Variants in DNAJC10 observed in about 807,000 individuals in gnomAD.
DNAJC10 encodes the protein DnaJ heat shock protein family (Hsp40) member C10.
In DNAJC10, 101 loss-of-function variants were observed where a neutral mutation model predicts 115.0. The ratio of observed to expected loss-of-function variants is 0.88; its 90% CI spans 0.75 to 1.04. DNAJC10 has a LOEUF of 1.04. DNAJC10 is among the 50% of genes least tolerant of loss of function. DNAJC10 has a pLI of 0.00. For synonymous variants in DNAJC10, 307 were observed against 301.5 expected, an observed-to-expected ratio of 1.02 and a Z score of -0.19; for missense variants, 981 against 928.8, an observed-to-expected ratio of 1.06 and a Z score of -0.73.
rs529271727 is a variant in DNAJC10 at position 182,736,526 on chromosome 2, C to T, written c.987+140C>T. On this transcript the variant is annotated intron_variant, in intron 11 of 23. Coordinates refer to ENST00000264065, the MANE Select transcript of DNAJC10 (RefSeq NM_018981.4). ...GTGGAACCCTTATTTAGAACACATA[C>T]TTAATTTCTGAGATTCTTTTTAATA... 4.3e-5 allele frequency: 21 copies of T among 487,490 alleles called. No individual in the cohort carries two copies. The East Asian group carries it at 6.6e-4, about 15-fold the overall frequency. The allele number at this position is 487,490 out of a possible 1,614,324, so 30.2% of individuals were successfully genotyped here. A position where few individuals can be genotyped will look rare whatever the true frequency, so the allele number is the denominator to read the frequency against.
At chr2:182,756,244 C>T (rs1694151762) in intron 17 of DNAJC10, 70 bp from the exon 18 acceptor site, 2 of 1,306,632 alleles carry the variant, frequency 1.5e-6, no homozygotes, top group Non-Finnish European at 2.0e-6. Flanking sequence ...CCTGTACCAA[C>T]AATTTGCCAG....
rs1178814862 is a variant in DNAJC10, at chr2:182,752,160, G to T, written c.1523G>T (p.Cys508Phe). The change falls in exon 16 of 24, where the codon TGT becomes TTT. Residue 508 changes from cysteine (C) to phenylalanine (F), a missense_variant. Cys to Phe is a radical substitution (Grantham distance 205). Transcript: ENST00000264065. Reference protein sequence around the residue: ...YGQLKFGTLDCTVHEGLCNMY... With the variant: ...YGQLKFGTLDFTVHEGLCNMY... The stretch of plus-strand genomic sequence containing the variant: ...CAGCTTAAGTTTGGTACACTAGATT[G>T]TACAGTTCATGAGGGACTCTGTAAC... 4 of 1,609,606 alleles carry T rather than the reference G, an allele frequency of 2.5e-6. No homozygotes were observed. The highest frequency in any genetic ancestry group is 3.4e-6 in the Non-Finnish European group (4 of 1,176,820).
At position 182,785,272 on chromosome 2, in the gene DNAJC10, A is replaced by G. The variant is rs945526574; in HGVS notation, c.*8140A>G. On this transcript the variant is annotated 3_prime_UTR_variant, in exon 24 of 24. Coordinates refer to ENST00000264065, the MANE Select transcript of DNAJC10 (RefSeq NM_018981.4). ...ATGGATCACTTCTAATAAATAAAAC[A>G]TAAAATTGGACTAATAGCTTAATTT... is the stretch of plus-strand genomic sequence containing the variant. 5.9e-5 allele frequency: 9 copies of G among 152,146 alleles called. No individual in the cohort carries two copies. Among genetic ancestry groups the G allele is most frequent in the African/African-American group, 1.7e-4 (7 of 41,438 alleles). The allele number at this position is 152,146 out of a possible 1,614,324, so 9.4% of individuals were successfully genotyped here.
At chr2:182,773,694 C>T (rs954325116) in intron 22 of DNAJC10, among the ~76,000 whole-genome samples, 1 of 152,164 alleles carries the variant, frequency 6.6e-6, no homozygotes, top group East Asian at 1.9e-4. Flanking sequence ...CCTTTAAGGT[C>T]TTCTCTACAC....
At position 182,793,580 on chromosome 2, in the gene DNAJC10, A is replaced by G. The variant is rs1191964442; in HGVS notation, c.*16448A>G. The G allele has an allele frequency of 6.6e-6, 1 of 152,122 alleles. No individual in the cohort carries two copies. Among genetic ancestry groups the G allele is most frequent in the African/African-American group, 2.4e-5 (1 of 41,424 alleles). 9.4% of individuals were successfully genotyped at this position (152,122 alleles called of 1,614,324 possible). On this transcript the variant is annotated 3_prime_UTR_variant, in exon 24 of 24. Coordinates refer to ENST00000264065, the MANE Select transcript of DNAJC10 (RefSeq NM_018981.4). The stretch of plus-strand genomic sequence containing the variant: ...ATAGCTTGATTGGTTACAGATAGGC[A>G]TTTGCCTTATTTGGACATGGTCTGC...
At chr2:182,751,280 G>A (rs530096911) in intron 14 of DNAJC10, among the ~76,000 whole-genome samples, 32 of 151,682 alleles carry the variant, frequency 2.1e-4, no homozygotes, top group African/African-American at 6.8e-4. Flanking sequence ...GACTACACAC[G>A]TGGCCACCAT....
intron 14 of DNAJC10, among the ~76,000 whole-genome samples, chr2:182,746,273 A>G (rs539317631): frequency 1.3e-5 from 2 of 152,280 alleles, no homozygotes. Flanking sequence ...GGCTGGGTCA[A>G]ATGGTATTTC....
chr2:182,717,640 C>T (rs927689561), intron 2 of DNAJC10, among the ~76,000 whole-genome samples: 3 of 152,200 alleles, frequency 2.0e-5, no homozygotes, highest in Non-Finnish European at 2.9e-5. Flanking sequence ...GAGGAAGCAC[C>T]TGTAGCTCAT....
intron 19 of DNAJC10, among the ~76,000 whole-genome samples, chr2:182,758,336 G>A (rs1162805072): frequency 1.3e-5 from 2 of 152,126 alleles, no homozygotes; most frequent in South Asian, 2.1e-4. Context: ...ACAACACCAC[G>A]TGGTATTTCA....
intron 14 of DNAJC10, among the ~76,000 whole-genome samples, chr2:182,743,990 T>G (rs1693801315): frequency 6.6e-6 from 1 of 152,220 alleles, no homozygotes; most frequent in Non-Finnish European, 1.5e-5. Context: ...TTTGCAAAAG[T>G]AAGCAACACC....
intron 13 of DNAJC10, among the ~76,000 whole-genome samples, chr2:182,742,405 G>C (rs563445094): frequency 6.6e-6 from 1 of 152,274 alleles, no homozygotes; most frequent in South Asian, 2.1e-4. Context: ...GGCCAAGCTG[G>C]CCTCGAACTC....
At chr2:182,749,042 C>G (rs902968140) in intron 14 of DNAJC10, among the ~76,000 whole-genome samples, 24 of 152,010 alleles carry the variant, frequency 1.6e-4, no homozygotes, top group Non-Finnish European at 2.9e-4. Context: ...AATTTCTATT[C>G]TTTTACATTT....
At chr2:182,763,596 A>G (rs1178009804) in intron 22 of DNAJC10, among the ~76,000 whole-genome samples, 1 of 152,066 alleles carries the variant, frequency 6.6e-6, no homozygotes, top group African/African-American at 2.4e-5. Context: ...GTTCCTTATC[A>G]CACCACACAC....
At chr2:182,746,006 C>T (rs1180318591) in intron 14 of DNAJC10, among the ~76,000 whole-genome samples, 1 of 151,862 alleles carries the variant, frequency 6.6e-6, no homozygotes, top group East Asian at 1.9e-4. Flanking sequence ...TTTGTCTTTG[C>T]GATAGTTTAC....
In DNAJC10 at chr2:182,787,651, G is replaced by C. The variant is rs1355107719; in HGVS notation, c.*10519G>C. 1 of 152,300 alleles carries C rather than the reference G, an allele frequency of 6.6e-6. No homozygotes were observed. The highest frequency in any genetic ancestry group is 1.5e-5 in the Non-Finnish European group (1 of 68,140). 9.4% of individuals were successfully genotyped at this position (152,300 alleles called of 1,614,324 possible). ...GGCAAAGAATGAGGCCAGGTGCGGTGGCTCACACCTGTAACTCCAGCACTT... is the reference window on the plus strand; with the variant it reads ...GGCAAAGAATGAGGCCAGGTGCGGTCGCTCACACCTGTAACTCCAGCACTT... On this transcript the variant is annotated 3_prime_UTR_variant, in exon 24 of 24. Coordinates refer to ENST00000264065, the MANE Select transcript of DNAJC10 (RefSeq NM_018981.4).
chr2:182,780,104 A>G lies in DNAJC10; in HGVS notation c.*2972A>G, dbSNP rs1008711629. On this transcript the variant is annotated 3_prime_UTR_variant, in exon 24 of 24. Transcript: ENST00000264065. ...TAAATAACCTTTCTGATAATATTCT[A>G]CTTTACACATATACTGAAAACTTAC... 1.3e-5 allele frequency: 2 copies of G among 152,162 alleles called. No individual in the cohort carries two copies. Among genetic ancestry groups the G allele is most frequent in the Non-Finnish European group, 2.9e-5 (2 of 68,032 alleles). The allele number at this position is 152,162 out of a possible 1,614,324, so 9.4% of individuals were successfully genotyped here. A position where few individuals can be genotyped will look rare whatever the true frequency, so the allele number is the denominator to read the frequency against.
intron 14 of DNAJC10, among the ~76,000 whole-genome samples, chr2:182,748,283 T>G (rs1693922935): frequency 6.6e-6 from 1 of 152,150 alleles, no homozygotes; most frequent in African/African-American, 2.4e-5. Context: ...TTCTATTGAT[T>G]GGAATAGTTT....
chr2:182,749,219 TTCTGTCTCGTTGA>T (rs1190435056), intron 14 of DNAJC10, among the ~76,000 whole-genome samples: 2 of 134,696 alleles, frequency 1.5e-5, no homozygotes, highest in African/African-American at 5.8e-5. Flanking sequence ...CTTGTTGACT[TTCTGTCTCGTTGA>T]TCTGTCTAAT....
chr2:182,753,709 A>T (rs1004601972), intron 16 of DNAJC10, among the ~76,000 whole-genome samples: 6 of 149,506 alleles, frequency 4.0e-5, no homozygotes, highest in Non-Finnish European at 7.4e-5. Flanking sequence ...TAGCCTGCCG[A>T]GTAGGTGGGA....
Sources: allele counts gnomAD v4.1 joint callset (sites outside exome capture counted in the v4.1 genomes callset), GRCh38; gene constraint gnomAD v4.1.1; transcripts MANE v1.5; gene names NCBI Gene and HGNC (gene_info 2026-07-23, HGNC 2026-07-21).